AP1G1: variants seen among roughly 807,000 people sequenced by gnomAD.
AP1G1 encodes adaptor related protein complex 1 subunit gamma 1.
In AP1G1, 7 loss-of-function variants were observed where a neutral mutation model predicts 108.3. The ratio of observed to expected loss-of-function variants is 0.06; its 90% CI spans 0.04 to 0.12. The LOEUF is 0.12. Among genes scored for constraint, AP1G1 ranks in the 10% least tolerant of loss-of-function variants. The probability of loss-of-function intolerance (pLI) is 1.00; values close to 1 mark genes in which losing one functional copy is unlikely to be tolerated. For missense variants in AP1G1, 756 were observed against 1,010.7 expected (o/e 0.75, Z 3.42); for synonymous variants, 379 against 353.5 (o/e 1.07, Z -0.81).
Position 71,774,683 on chromosome 16 carries a change from CTAAAG to C in AP1G1, c.202-96_202-92del, listed in dbSNP as rs978554546. 8.8e-6 allele frequency: 12 copies of C among 1,364,990 alleles called. No individual in the cohort carries two copies. In the African/African-American group the frequency reaches 8.9e-5, roughly 10 times the overall value. The allele number at this position is 1,364,990 out of a possible 1,614,324, so 84.6% of individuals were successfully genotyped here. On this transcript the variant is annotated intron_variant, in intron 2 of 22. Transcript: ENST00000299980. ...TTTTTAACCCAGAGTCCCCAGCTGG[CTAAAG>C]TAAAGTACAAATGTGTTTCATCAAA... is the stretch of plus-strand genomic sequence containing the variant.
At chr16:71,767,353 C>T (rs539744128) in intron 6 of AP1G1, among the ~76,000 whole-genome samples, 1 of 152,108 alleles carries the variant, frequency 6.6e-6, no homozygotes, top group South Asian at 2.1e-4. Flanking sequence ...CAGTTGGTGC[C>T]CACTACTCTA....
At chr16:71,758,957 T>C (rs759553005) in intron 10 of AP1G1, 36 bp from the exon 11 acceptor site, 1 of 1,256,548 alleles carries the variant, frequency 8.0e-7, no homozygotes, top group Non-Finnish European at 1.1e-6. Context: ...AGAGTTAAAA[T>C]GTAAAATTCA....
At chr16:71,770,068 C>G (rs2145482806) in intron 5 of AP1G1, among the ~76,000 whole-genome samples, 1 of 152,210 alleles carries the variant, frequency 6.6e-6, no homozygotes, top group African/African-American at 2.4e-5. Context: ...ACAGATAATT[C>G]AAGAGGCAAA....
chr16:71,785,011 A>C (rs2032149623), intron 2 of AP1G1, among the ~76,000 whole-genome samples: 1 of 150,728 alleles, frequency 6.6e-6, no homozygotes, highest in Non-Finnish European at 1.5e-5. Context: ...TTTTAATAAT[A>C]TTCTTTAATC....
Position 71,739,341 on chromosome 16 carries a change from C to A in AP1G1, c.2000G>T (p.Gly667Val). The part of the protein sequence containing the change: ...LDLLGDINLT[G>V]APAAAPAPAS... ...AGGGGCAGGAGCAGCAGCTGGAGCA[C>A]CTAAAGGAAATATTTTAATGGAAAG... is the stretch of plus-strand genomic sequence containing the variant. Residue 667 changes from glycine (G) to valine (V), a missense_variant and splice_region_variant, in exon 20 of 23, where the codon GGT becomes GTT. Gly to Val is a moderately radical substitution (Grantham distance 109, BLOSUM62 -3). Coordinates refer to ENST00000299980, the MANE Select transcript of AP1G1 (RefSeq NM_001128.6). 6.3e-7 allele frequency: 1 copy of A among 1,583,358 alleles called. No homozygotes were observed. The highest frequency in any genetic ancestry group is 8.5e-7 in the Non-Finnish European group (1 of 1,171,436).
At position 71,756,300 on chromosome 16, in the gene AP1G1, C is replaced by A. The variant is rs139491587; in HGVS notation, c.1089-141G>T. 4.2e-4 allele frequency: 262 copies of A among 627,158 alleles called. 5 individuals are homozygous for A. In the East Asian group the frequency reaches 7.8e-3, roughly 19 times the overall value. The allele number at this position is 627,158 out of a possible 1,614,324, so 38.8% of individuals were successfully genotyped here. On this transcript the variant is annotated intron_variant, in intron 11 of 22. Transcript: ENST00000299980. Reference sequence around the variant, plus strand: ...CGATCTTGTGATCCCAATCTTTGCACACGAAATAACCAAGGAGATGTATTC... The same window carrying A: ...CGATCTTGTGATCCCAATCTTTGCAAACGAAATAACCAAGGAGATGTATTC...
intron 2 of AP1G1, among the ~76,000 whole-genome samples, chr16:71,779,422 C>G (rs2031918643): frequency 6.6e-6 from 1 of 152,022 alleles, no homozygotes; most frequent in African/African-American, 2.4e-5. Flanking sequence ...AACACAACCT[C>G]CTCTGACTCT....
In AP1G1 at chr16:71,753,874, T is replaced by G; in HGVS notation, c.1243A>C (p.Lys415Gln). ...ATAATTGTGTCTATATGCCATCGTTTGGAAGGTGCATACCTGAAAAAAACA... is the reference window on the plus strand; with the variant it reads ...ATAATTGTGTCTATATGCCATCGTTGGGAAGGTGCATACCTGAAAAAAACA... ...FLAAEKYAPS[K>Q]RWHIDTIMRV... is the part of the protein sequence containing the mutation. Residue 415 changes from lysine to glutamine, a missense_variant, in exon 13 of 23, where the codon AAA becomes CAA. Physicochemically the swap from Lys to Gln is moderately conservative, Grantham distance 53. Transcript: ENST00000299980. The G allele has an allele frequency of 1.2e-6, 2 of 1,614,102 alleles. No homozygotes were observed. The highest frequency in any genetic ancestry group is 1.7e-6 in the Non-Finnish European group (2 of 1,179,976).
intron 1 of AP1G1, among the ~76,000 whole-genome samples, chr16:71,797,221 G>T (rs1046222708): frequency 6.6e-6 from 1 of 151,662 alleles, no homozygotes; most frequent in East Asian, 1.9e-4. Context: ...TTCTCAAAAC[G>T]AAAATTTGGC....
chr16:71,772,160 T>A (rs962420709), intron 4 of AP1G1, among the ~76,000 whole-genome samples: 1 of 151,172 alleles, frequency 6.6e-6, no homozygotes, highest in Non-Finnish European at 1.5e-5. Flanking sequence ...AGACGGAGTC[T>A]CGCTCAGTCG....
chr16:71,729,347 A>AG lies in AP1G1; in HGVS notation c.*3710dup, dbSNP rs1245243214. On this transcript the variant is annotated 3_prime_UTR_variant, in exon 23 of 23. Transcript: ENST00000299980. ...CACAGTGGGAGTTCATAAAGGAAAG[A>AG]GTTCAGAAGCTCTTTCCCATGGGGC... 1 of 151,296 alleles carries AG rather than the reference A, an allele frequency of 6.6e-6. No homozygotes were observed. Among genetic ancestry groups the AG allele is most frequent in the Non-Finnish European group, 1.5e-5 (1 of 67,744 alleles). 9.4% of individuals were successfully genotyped at this position (151,296 alleles called of 1,614,324 possible).
intron 9 of AP1G1, among the ~76,000 whole-genome samples, chr16:71,761,816 CAAAAA>C (rs375647068): frequency 4.5e-4 from 20 of 44,872 alleles, no homozygotes; most frequent in Non-Finnish European, 7.2e-4. Context: ...GACTCCATCT[CAAAAA>C]AAAAAAAAAA....
chr16:71,774,666 C>T lies in AP1G1; in HGVS notation c.202-74G>A, dbSNP rs182475476. 4 of 1,453,164 alleles carry T rather than the reference C, an allele frequency of 2.8e-6. No homozygotes were observed. The Admixed American group carries it at 9.6e-5, about 35-fold the overall frequency. The allele number at this position is 1,453,164 out of a possible 1,614,324, so 90.0% of individuals were successfully genotyped here. On this transcript the variant is annotated intron_variant, in intron 2 of 22. Transcript: ENST00000299980. ...AATCTAGAAAAGCAGTGTTTTTAAC[C>T]CAGAGTCCCCAGCTGGCTAAAGTAA...
intron 11 of AP1G1, chr16:71,758,326 T>C (rs943998647): frequency 5.6e-5 from 26 of 461,228 alleles, no homozygotes; most frequent in Non-Finnish European, 1.1e-4. Context: ...ACCTGCTGCC[T>C]AACAGTCATT....
At chr16:71,780,152 T>C (rs1407334482) in intron 2 of AP1G1, among the ~76,000 whole-genome samples, 1 of 151,532 alleles carries the variant, frequency 6.6e-6, no homozygotes, top group African/African-American at 2.4e-5. Flanking sequence ...CACCACTATA[T>C]CCGGCTAATT....
chr16:71,736,593 T>C (rs2045548660), intron 21 of AP1G1, among the ~76,000 whole-genome samples: 1 of 143,696 alleles, frequency 7.0e-6, no homozygotes, highest in Non-Finnish European at 1.5e-5. Flanking sequence ...TTTATTTATT[T>C]ATTTATTTTT....
intron 2 of AP1G1, among the ~76,000 whole-genome samples, chr16:71,783,215 G>A (rs1028304247): frequency 2.6e-5 from 4 of 151,980 alleles, no homozygotes; most frequent in Non-Finnish European, 4.4e-5. Context: ...TTGCAATAAT[G>A]TACTACCTGT....
chr16:71,755,917 T>G (rs899059374), intron 12 of AP1G1, 102 bp downstream of exon 12: 4 of 1,304,202 alleles, frequency 3.1e-6, no homozygotes, highest in African/African-American at 3.0e-5. Context: ...CTGCTGAGAC[T>G]GCAGGCGTGT....
At position 71,800,936 on chromosome 16, in the gene AP1G1, G is replaced by A. The variant is rs529660369; in HGVS notation, c.-4+7827C>T. On this transcript the variant is annotated intron_variant, in intron 1 of 22. Coordinates refer to ENST00000299980, the MANE Select transcript of AP1G1 (RefSeq NM_001128.6). ...CTTGAACCTGGGAGGCGGAGGTTGCGGTGAGCTGAGATCACGCCATTGCAC... is the reference window on the plus strand; with the variant it reads ...CTTGAACCTGGGAGGCGGAGGTTGCAGTGAGCTGAGATCACGCCATTGCAC... 2.5e-4 allele frequency among the ~76,000 whole-genome samples: 38 copies of A among 150,134 alleles called. No individual in the cohort carries two copies. The South Asian group carries it at 4.0e-3, about 16-fold the overall frequency.
Sources: gnomAD v4.1 joint callset for allele counts (sites outside exome capture counted in the v4.1 genomes callset) on GRCh38, gnomAD v4.1.1 for gene constraint, MANE v1.5 for transcripts, NCBI Gene and HGNC (gene_info 2026-07-23, HGNC 2026-07-21) for gene names.